Variants in LMBR1 observed in about 807,000 individuals in gnomAD.
LMBR1 encodes the protein limb development membrane protein 1.
Under a neutral mutation model 73.9 loss-of-function variants are expected in LMBR1, and 52 were observed. The ratio of observed to expected loss-of-function variants is 0.70; its 90% CI spans 0.56 to 0.89. The LOEUF is 0.89. LMBR1 is among the 40% of genes least tolerant of loss of function. The pLI is 0.00. For missense variants in LMBR1, 539 were observed against 579.8 expected, an observed-to-expected ratio of 0.93 and a Z score of 0.72; for synonymous variants, 215 against 209.4, an observed-to-expected ratio of 1.03 and a Z score of -0.23.
At chr7:156,879,266 G>C (rs1800677847) in intron 1 of LMBR1, among the ~76,000 whole-genome samples, 1 of 152,168 alleles carries the variant, frequency 6.6e-6, no homozygotes, top group East Asian at 1.9e-4. Context: ...AAAACCCACA[G>C]AGTGGGAGAA....
chr7:156,810,531 T>C (rs1377157953), intron 4 of LMBR1, among the ~76,000 whole-genome samples: 1 of 152,142 alleles, frequency 6.6e-6, no homozygotes, highest in Non-Finnish European at 1.5e-5. Flanking sequence ...TAGCTGGGAT[T>C]ACAGGCATGC....
chr7:156,840,378 G>A (rs1178224363), intron 1 of LMBR1, among the ~76,000 whole-genome samples: 1 of 151,726 alleles, frequency 6.6e-6, no homozygotes, highest in Non-Finnish European at 1.5e-5. Flanking sequence ...GGACAAGAAG[G>A]GCCAAGACAT....
intron 15 of LMBR1, among the ~76,000 whole-genome samples, chr7:156,702,880 T>A (rs1361964457): frequency 6.6e-6 from 1 of 152,148 alleles, no homozygotes; most frequent in Non-Finnish European, 1.5e-5. Context: ...AGTAGGTAAA[T>A]GGATAAACTG....
intron 4 of LMBR1, chr7:156,823,525 A>C (rs916079501): frequency 6.6e-6 from 1 of 152,238 alleles, no homozygotes; most frequent in Non-Finnish European, 1.5e-5. Context: ...AATGTTTCAC[A>C]AAGAGGACAG....
At position 156,758,490 on chromosome 7, in the gene LMBR1, G is replaced by C. The variant is rs1585598615; in HGVS notation, c.685-2025C>G. ...CCAGTATTGGAGGTGGGACCCTGTAGGAAGTATTTGGGTCATGGGGGTGGA... is the reference window on the plus strand; with the variant it reads ...CCAGTATTGGAGGTGGGACCCTGTACGAAGTATTTGGGTCATGGGGGTGGA... On this transcript the variant is annotated intron_variant, in intron 8 of 16. Coordinates refer to ENST00000353442, the MANE Select transcript of LMBR1 (RefSeq NM_022458.4). Among the ~76,000 whole-genome samples the C allele has an allele frequency of 2.0e-5, 3 of 152,296 alleles. No individual in the cohort carries two copies. In the South Asian group the frequency reaches 6.2e-4, roughly 32 times the overall value.
At position 156,763,745 on chromosome 7, in the gene LMBR1, C is replaced by T. The variant is rs201832150; in HGVS notation, c.474G>A (p.Ala158=). The T allele has an allele frequency of 3.7e-5, 60 of 1,605,662 alleles. 1 individual carries two copies. In the Admixed American group the frequency reaches 7.5e-4, roughly 20 times the overall value. The change falls in exon 6 of 17, where the codon GCG becomes GCA. Residue 158 remains alanine (A), a synonymous_variant. Transcript: ENST00000353442. The part of the protein sequence containing the change: ...LETLVMLLLL[A]LLILGIVWVA... Reference sequence around the variant, plus strand: ...CCCACACTATCCCAAGAATGAGTAACGCAAGAAGAAGAAGCATGACCAAAG... The same window carrying T: ...CCCACACTATCCCAAGAATGAGTAATGCAAGAAGAAGAAGCATGACCAAAG...
chr7:156,689,058 C>T (rs1806584263), intron 15 of LMBR1, among the ~76,000 whole-genome samples: 4 of 152,052 alleles, frequency 2.6e-5, no homozygotes, highest in Admixed American at 2.6e-4. Flanking sequence ...TTCACCTATA[C>T]ACATTTGTAA....
At chr7:156,689,819 T>C (rs1806783004) in intron 15 of LMBR1, among the ~76,000 whole-genome samples, 1 of 152,226 alleles carries the variant, frequency 6.6e-6, no homozygotes, top group Non-Finnish European at 1.5e-5. Context: ...CTTTACTTTG[T>C]TAAAAGGAAT....
chr7:156,732,671 A>G (rs1164275333), intron 10 of LMBR1, among the ~76,000 whole-genome samples: 1 of 152,206 alleles, frequency 6.6e-6, no homozygotes, highest in East Asian at 1.9e-4. Context: ...AATGTCATCA[A>G]TCACAGGACA....
chr7:156,774,745 T>C (rs143873027), intron 5 of LMBR1, among the ~76,000 whole-genome samples: 3,838 of 152,066 alleles, frequency 0.025, 167 homozygotes, highest in African/African-American at 0.087. Context: ...GGCAGGAGAA[T>C]CACTTGAACC....
At chr7:156,673,917 A>G (rs66579345), downstream of LMBR1, among the ~76,000 whole-genome samples, 17 of 122,358 alleles carry the variant, frequency 1.4e-4, no homozygotes, top group East Asian at 8.5e-4. Context: ...AAAAAAAAAA[A>G]AAAAAGAAAA....
chr7:156,733,428 C>T (rs1018393579), intron 10 of LMBR1, among the ~76,000 whole-genome samples: 6 of 151,830 alleles, frequency 4.0e-5, no homozygotes, highest in Admixed American at 6.6e-5. Context: ...ACAGATTGAA[C>T]GTGTTAGAGA....
At chr7:156,740,247 T>C (rs1279044026) in intron 9 of LMBR1, among the ~76,000 whole-genome samples, 1 of 151,882 alleles carries the variant, frequency 6.6e-6, no homozygotes, top group African/African-American at 2.4e-5. Context: ...ATGCCTACGA[T>C]AGCTAGAAAA....
intron 8 of LMBR1, among the ~76,000 whole-genome samples, chr7:156,756,695 T>C (rs1821957087): frequency 6.6e-6 from 1 of 152,232 alleles, no homozygotes; most frequent in Admixed American, 6.5e-5. Flanking sequence ...TTAAATTGGA[T>C]ATTTTTAAAG....
At chr7:156,807,823 A>T (rs1832412543) in intron 4 of LMBR1, among the ~76,000 whole-genome samples, 1 of 152,154 alleles carries the variant, frequency 6.6e-6, no homozygotes, top group Non-Finnish European at 1.5e-5. Flanking sequence ...TTTTCATTTC[A>T]TTCAGTTCAA....
intron 5 of LMBR1, among the ~76,000 whole-genome samples, chr7:156,768,620 G>C (rs757356026): frequency 3.9e-5 from 6 of 152,198 alleles, no homozygotes; most frequent in Non-Finnish European, 8.8e-5. Context: ...GGCTTCAGCA[G>C]TGGATTAGGA....
chr7:156,761,990 A>AAAC, intron 8 of LMBR1, 144 bp downstream of exon 8: 1 of 587,046 alleles, frequency 1.7e-6, no homozygotes, highest in Non-Finnish European at 3.0e-6. Context: ...AAAAAAAAAA[A>AAAC]AACTTAATAA....
chr7:156,819,224 G>A (rs1397354889), intron 4 of LMBR1, among the ~76,000 whole-genome samples: 1 of 152,072 alleles, frequency 6.6e-6, no homozygotes, highest in Non-Finnish European at 1.5e-5. Flanking sequence ...AAGGTAATAT[G>A]GTTAACACAT....
intron 1 of LMBR1, among the ~76,000 whole-genome samples, chr7:156,851,895 A>G (rs184093736): frequency 6.6e-6 from 1 of 152,338 alleles, no homozygotes; most frequent in East Asian, 1.9e-4. Flanking sequence ...AATGAACACA[A>G]TAAAATTTAT....
Sources: allele counts gnomAD v4.1 joint callset (sites outside exome capture counted in the v4.1 genomes callset), GRCh38; gene constraint gnomAD v4.1.1; transcripts MANE v1.5; gene names NCBI Gene and HGNC (gene_info 2026-07-23, HGNC 2026-07-21).